The following PALM variants were observed in gnomAD, a reference collection of about 807,000 sequenced individuals.
PALM encodes the protein paralemmin, also known as paralemmin-1.
PALM carries 18 observed loss-of-function variants against 30.7 expected under a neutral mutation model. The observed-to-expected ratio is 0.59, with a 90% CI of 0.41 to 0.87. The LOEUF (loss-of-function observed/expected upper bound fraction) is 0.87. PALM is among the 40% of genes least tolerant of loss of function. PALM has a pLI of 0.00. For synonymous variants in PALM, 286 were observed against 242.8 expected, an observed-to-expected ratio of 1.18 and a Z score of -1.66; for missense variants, 529 against 555.4, an observed-to-expected ratio of 0.95 and a Z score of 0.48.
chr19:726,982 C>CAG, intron 2 of PALM, 26 bp from the exon 3 acceptor site: 3 of 1,263,434 alleles, frequency 2.4e-6, no homozygotes, highest in Non-Finnish European at 2.2e-6. Flanking sequence ...ACGCCCATCC[C>CAG]TGACCCCACC....
At chr19:736,122 C>A (rs771949436) in intron 7 of PALM, 44 bp downstream of exon 7, 4 of 1,448,130 alleles carry the variant, frequency 2.8e-6, no homozygotes, top group Non-Finnish European at 3.8e-6. Context: ...CAGCCGCTGT[C>A]AGGGACCAAG....
chr19:738,398 T>C (rs1173658171), intron 7 of PALM, among the ~76,000 whole-genome samples: 1 of 151,890 alleles, frequency 6.6e-6, no homozygotes, highest in Admixed American at 6.6e-5. Context: ...TGGTGGCAGG[T>C]GCCTGTAATC....
chr19:722,554 G>C (rs927144732), intron 1 of PALM: 1 of 152,314 alleles, frequency 6.6e-6, no homozygotes, highest in Non-Finnish European at 1.5e-5. Context: ...TTTTTGAGAA[G>C]CTGCCTCTGG....
At chr19:718,299 A>G (rs1311792012) in intron 1 of PALM, among the ~76,000 whole-genome samples, 1 of 152,246 alleles carries the variant, frequency 6.6e-6, no homozygotes, top group Non-Finnish European at 1.5e-5. Flanking sequence ...GTCTGCAGAA[A>G]GGCCTTGGGC....
At chr19:710,417 A>AC (rs1186307813) in intron 1 of PALM, among the ~76,000 whole-genome samples, 1 of 149,888 alleles carries the variant, frequency 6.7e-6, no homozygotes, top group Non-Finnish European at 1.5e-5. Flanking sequence ...CCACACCCCC[A>AC]CCCCCCAGCC....
At chr19:736,779 G>A (rs1180006935) in intron 7 of PALM, among the ~76,000 whole-genome samples, 2 of 152,212 alleles carry the variant, frequency 1.3e-5, no homozygotes, top group African/African-American at 2.4e-5. Flanking sequence ...GCCGGGCGTG[G>A]TGGCTCACAC....
In PALM at chr19:720,715, CT is replaced by C. The variant is rs367684254; in HGVS notation, c.6-5422del. ...TCCCGCGCGTTCCCTGCCCGCCCGC[CT>C]GACATTCCCCCGCCCTGGCCGGCCG... On this transcript the variant is annotated intron_variant, in intron 1 of 8. Coordinates refer to ENST00000338448, the MANE Select transcript of PALM (RefSeq NM_002579.3). 6.2e-3 allele frequency among the ~76,000 whole-genome samples: 945 copies of C among 152,168 alleles called. 13 individuals carry two copies. Among genetic ancestry groups the C allele is most frequent in the African/African-American group, 0.022 (906 of 41,490 alleles).
chr19:715,763 G>T (rs564647486), intron 1 of PALM, among the ~76,000 whole-genome samples: 111 of 152,260 alleles, frequency 7.3e-4, no homozygotes, highest in Non-Finnish European at 1.2e-3. Context: ...CTTGATTGTG[G>T]CTGCAGGGGC....
intron 2 of PALM, 21 bp from the exon 3 acceptor site, chr19:726,987 C>T: frequency 3.5e-6 from 4 of 1,158,292 alleles, no homozygotes; most frequent in Non-Finnish European, 5.0e-6. Context: ...CATCCCTGAC[C>T]CCACCCGGCC....
intron 1 of PALM, among the ~76,000 whole-genome samples, chr19:710,619 C>T (rs1443530554): frequency 6.6e-6 from 1 of 151,780 alleles, no homozygotes; most frequent in Non-Finnish European, 1.5e-5. Context: ...TCCTTTCCCA[C>T]GGGGGATACT....
At chr19:721,772 AT>A (rs1170960297) in intron 1 of PALM, among the ~76,000 whole-genome samples, 6 of 147,388 alleles carry the variant, frequency 4.1e-5, no homozygotes, top group African/African-American at 1.5e-4. Context: ...TAATTTTTGT[AT>A]TTTTAGTAGA....
intron 2 of PALM, among the ~76,000 whole-genome samples, chr19:726,547 G>A (rs528748690): frequency 4.9e-4 from 75 of 152,254 alleles, no homozygotes; most frequent in African/African-American, 1.7e-3. Context: ...CTTGGTGTCC[G>A]CAGACCCCTC....
chr19:720,204 C>A (rs1294937348), intron 1 of PALM, among the ~76,000 whole-genome samples: 1 of 151,860 alleles, frequency 6.6e-6, no homozygotes, highest in Non-Finnish European at 1.5e-5. Context: ...CTGCGCCGGC[C>A]CCACCCCCGC....
chr19:714,361 T>TC (rs1342477089), intron 1 of PALM, among the ~76,000 whole-genome samples: 10 of 142,130 alleles, frequency 7.0e-5, no homozygotes, highest in Admixed American at 4.3e-4. Context: ...TTTCTTTCTT[T>TC]TTTTTTTTTT....
Position 735,082 on chromosome 19 carries a change from A to T in PALM, c.442+888A>T, listed in dbSNP as rs1346880808. On this transcript the variant is annotated intron_variant, in intron 6 of 8. Transcript: ENST00000338448. ...AATGAACTGTGAGGCTGCCTGTGGGATTTTCTAGGGGTTGCGGTGGGGGTC... is the reference window on the plus strand; with the variant it reads ...AATGAACTGTGAGGCTGCCTGTGGGTTTTTCTAGGGGTTGCGGTGGGGGTC... The T allele has an allele frequency of 3.1e-6, 3 of 983,040 alleles. No homozygotes were observed. The Admixed American group carries it at 1.8e-4, about 61-fold the overall frequency. The allele number at this position is 983,040 out of a possible 1,614,324, so 60.9% of individuals were successfully genotyped here.
intron 4 of PALM, among the ~76,000 whole-genome samples, chr19:728,703 G>T (rs142483792): frequency 1.3e-3 from 204 of 152,180 alleles, no homozygotes; most frequent in African/African-American, 4.6e-3. Context: ...CAGCTACTCC[G>T]GAGGCTGAGG....
At position 746,506 on chromosome 19, in the gene PALM, G is replaced by C. The variant is rs199827121; in HGVS notation, c.856G>C (p.Gly286Arg). 3 of 1,612,354 alleles carry C rather than the reference G, an allele frequency of 1.9e-6. No individual in the cohort carries two copies. The highest frequency in any genetic ancestry group is 2.2e-5 in the South Asian group (2 of 91,018). The change falls in exon 9 of 9, where the codon GGC becomes CGC. Residue 286 changes from glycine (G) to arginine (R), a missense_variant. Physicochemically the swap from Gly to Arg is moderately radical, Grantham distance 125. Transcript: ENST00000338448. This position sits in a 1 kb window ranked among gnomAD's most constrained non-coding sequence, Gnocchi z 7.1. ...GGCACAGCCAGGCGAGGCCACGTCCGGCCCGCCGGGGATCCAGCCCGGCCA... is the reference window on the plus strand; with the variant it reads ...GGCACAGCCAGGCGAGGCCACGTCCCGCCCGCCGGGGATCCAGCCCGGCCA... ...VQAQPGEATSGPPGIQPGQEP... is the reference protein window; with the variant it reads ...VQAQPGEATSRPPGIQPGQEP...
At position 746,825 on chromosome 19, in the gene PALM, GAGACCCCGGCCCCCA is replaced by G; in HGVS notation, c.*12_*26del. 1 of 1,441,266 alleles carries G rather than the reference GAGACCCCGGCCCCCA, an allele frequency of 6.9e-7. No homozygotes were observed. The highest frequency in any genetic ancestry group is 9.2e-7 in the Non-Finnish European group (1 of 1,084,098). 89.3% of individuals were successfully genotyped at this position (1,441,266 alleles called of 1,614,324 possible). A position where few individuals can be genotyped will look rare whatever the true frequency, so the allele number is the denominator to read the frequency against. On this transcript the variant is annotated 3_prime_UTR_variant, in exon 9 of 9. Transcript: ENST00000338448. This position sits in a 1 kb window ranked among gnomAD's most constrained non-coding sequence, Gnocchi z 7.1. ...TGCTCCATCATGTGAGCCGGCCCCC[GAGACCCCGGCCCCCA>G]CCCCACACCACAGACACCCACCAGC...
At chr19:713,782 A>G (rs1039820174) in intron 1 of PALM, among the ~76,000 whole-genome samples, 5 of 151,964 alleles carry the variant, frequency 3.3e-5, no homozygotes, top group Admixed American at 1.3e-4. Flanking sequence ...GGGTTTCACC[A>G]TGTTGGCCAG....
Sources: allele counts gnomAD v4.1 joint callset (sites outside exome capture counted in the v4.1 genomes callset), GRCh38; gene constraint gnomAD v4.1.1; non-coding constraint Gnocchi (gnomAD v3.1); transcripts MANE v1.5; gene names NCBI Gene and HGNC (gene_info 2026-07-23, HGNC 2026-07-21).